PLCE1: variants seen among roughly 807,000 people sequenced by gnomAD.
The protein encoded by PLCE1 is phospholipase C epsilon 1, also known as 1-phosphatidylinositol 4,5-bisphosphate phosphodiesterase epsilon-1.
PLCE1 carries 119 observed loss-of-function variants against 242.8 expected under a neutral mutation model. That is an observed-to-expected ratio of 0.49 (90% confidence interval 0.42 to 0.57). PLCE1 has a LOEUF of 0.57. Among genes scored for constraint, PLCE1 ranks in the 20% least tolerant of loss-of-function variants. PLCE1 has a pLI of 0.00. For missense variants in PLCE1, 2,441 were observed against 2,788.8 expected (o/e 0.88, Z 2.81); for synonymous variants, 945 against 1,017.4 (o/e 0.93, Z 1.35).
At chr10:94,119,092 G>T (rs1451680639) in intron 2 of PLCE1, among the ~76,000 whole-genome samples, 1 of 152,184 alleles carries the variant, frequency 6.6e-6, no homozygotes, top group Non-Finnish European at 1.5e-5. Flanking sequence ...TCTGAAAGTT[G>T]TTACTTACCT....
chr10:94,069,777 T>C (rs1360610225), intron 2 of PLCE1, among the ~76,000 whole-genome samples: 4 of 152,194 alleles, frequency 2.6e-5, no homozygotes, highest in African/African-American at 7.2e-5. Context: ...TTTGACAGCA[T>C]CTGAGACAAT....
At chr10:94,147,135 G>T (rs1415883855) in intron 3 of PLCE1, among the ~76,000 whole-genome samples, 3 of 151,870 alleles carry the variant, frequency 2.0e-5, no homozygotes, top group Non-Finnish European at 2.9e-5. Context: ...AAGTTGAGGA[G>T]GCAGGGCCGG....
chr10:94,070,190 C>G (rs2044311968), intron 2 of PLCE1, among the ~76,000 whole-genome samples: 1 of 152,142 alleles, frequency 6.6e-6, no homozygotes, highest in Non-Finnish European at 1.5e-5. Flanking sequence ...ATGATAATGA[C>G]TTATCTTCTT....
chr10:94,220,665 G>C (rs1000874203), intron 4 of PLCE1, among the ~76,000 whole-genome samples: 1 of 151,890 alleles, frequency 6.6e-6, no homozygotes, highest in African/African-American at 2.4e-5. Context: ...CTCTACAACA[G>C]TACTTGCAGC....
intron 22 of PLCE1, among the ~76,000 whole-genome samples, chr10:94,289,305 C>T (rs1048517627): frequency 1.3e-5 from 2 of 152,140 alleles, no homozygotes; most frequent in African/African-American, 2.4e-5. Context: ...GAGTGGCTCT[C>T]GGACCATCCC....
At chr10:94,004,368 T>C (rs1416241653) in intron 1 of PLCE1, among the ~76,000 whole-genome samples, 1 of 152,198 alleles carries the variant, frequency 6.6e-6, no homozygotes, top group Non-Finnish European at 1.5e-5. Flanking sequence ...AGTAATAGTC[T>C]AATTCAATGT....
At chr10:94,088,759 T>C (rs1481249075) in intron 2 of PLCE1, among the ~76,000 whole-genome samples, 1 of 152,184 alleles carries the variant, frequency 6.6e-6, no homozygotes, top group Non-Finnish European at 1.5e-5. Flanking sequence ...TGGGTTCTAT[T>C]TGCTACCCTT....
intron 16 of PLCE1, among the ~76,000 whole-genome samples, chr10:94,266,495 T>C (rs958308627): frequency 6.6e-6 from 1 of 152,232 alleles, no homozygotes; most frequent in African/African-American, 2.4e-5. Context: ...TTCATCAGAA[T>C]GTTCTTTGAA....
intron 2 of PLCE1, among the ~76,000 whole-genome samples, chr10:94,115,159 G>T (rs975351486): frequency 6.6e-6 from 1 of 151,226 alleles, no homozygotes; most frequent in Non-Finnish European, 1.5e-5. Flanking sequence ...TCTTAATCCA[G>T]TCTATCATTG....
rs1431829778 is a variant in PLCE1 at position 94,316,649 on chromosome 10, C to A, written c.6235C>A (p.Pro2079Thr). Residue 2079 changes from proline (P) to threonine (T), a missense_variant, in exon 29 of 33, where the codon CCA (proline) becomes ACA (threonine). Physicochemically the swap from Pro to Thr is conservative, Grantham distance 38. Coordinates refer to ENST00000371380, the MANE Select transcript of PLCE1 (RefSeq NM_016341.4). ...AGAAAAGAATGAATGTAGGAAACAA[C>A]CATTCCAGAGAGCCATTGGTCCAGA... ...SKEKNECRKQ[P>T]FQRAIGPEEE... 1 of 1,611,410 alleles carries A rather than the reference C, an allele frequency of 6.2e-7. No individual in the cohort carries two copies. Among genetic ancestry groups the A allele is most frequent in the Non-Finnish European group, 8.5e-7 (1 of 1,177,712 alleles).
At chr10:94,019,541 G>A (rs1178545179) in intron 1 of PLCE1, among the ~76,000 whole-genome samples, 1 of 152,166 alleles carries the variant, frequency 6.6e-6, no homozygotes, top group Non-Finnish European at 1.5e-5. Flanking sequence ...TTTTAGAGCA[G>A]CACTGTCCTG....
At chr10:94,053,406 C>G (rs928770846) in intron 2 of PLCE1, among the ~76,000 whole-genome samples, 2 of 152,196 alleles carry the variant, frequency 1.3e-5, no homozygotes, top group Non-Finnish European at 2.9e-5. Context: ...GGAATGTGCT[C>G]TTTATGTCTG....
intron 1 of PLCE1, among the ~76,000 whole-genome samples, chr10:94,007,339 A>G (rs1307620672): frequency 3.3e-5 from 5 of 152,170 alleles, no homozygotes; most frequent in African/African-American, 1.2e-4. Flanking sequence ...AGGGGAGGGG[A>G]TGGCCAAGGA....
intron 2 of PLCE1, chr10:94,089,365 A>T (rs779657060): frequency 7.5e-6 from 12 of 1,603,344 alleles, no homozygotes; most frequent in South Asian, 4.5e-5. Context: ...CTGGAGGCTT[A>T]AAGAAGACCA....
intron 2 of PLCE1, among the ~76,000 whole-genome samples, chr10:94,103,573 A>G (rs1052990853): frequency 1.3e-5 from 2 of 152,242 alleles, no homozygotes; most frequent in Non-Finnish European, 2.9e-5. Context: ...TTTGCTGTAC[A>G]AACCACCATG....
intron 1 of PLCE1, among the ~76,000 whole-genome samples, chr10:94,019,004 G>A (rs764011186): frequency 6.6e-6 from 1 of 152,166 alleles, no homozygotes; most frequent in Non-Finnish European, 1.5e-5. Context: ...AATAATATTT[G>A]ATGACTCTGG....
intron 2 of PLCE1, among the ~76,000 whole-genome samples, chr10:94,101,232 C>T (rs533885466): frequency 1.6e-4 from 24 of 152,340 alleles, no homozygotes; most frequent in African/African-American, 5.5e-4. Flanking sequence ...ATGGCTCACC[C>T]CTCGGGGCTT....
At chr10:94,264,904 G>A (rs973561371) in intron 14 of PLCE1, among the ~76,000 whole-genome samples, 1 of 152,138 alleles carries the variant, frequency 6.6e-6, no homozygotes, top group Admixed American at 6.5e-5. Flanking sequence ...GAGGCAGAAG[G>A]ATTGCCTGAG....
intron 4 of PLCE1, among the ~76,000 whole-genome samples, chr10:94,202,082 TG>T (rs2049004274): frequency 1.3e-5 from 2 of 152,220 alleles, no homozygotes; most frequent in Admixed American, 1.3e-4. Context: ...TATTTTGTTT[TG>T]CCTTTCAAAT....
Sources: gnomAD v4.1 joint callset for allele counts (sites outside exome capture counted in the v4.1 genomes callset) on GRCh38, gnomAD v4.1.1 for gene constraint, MANE v1.5 for transcripts, NCBI Gene and HGNC (gene_info 2026-07-23, HGNC 2026-07-21) for gene names.